Variants in MFHAS1 observed in about 807,000 individuals in gnomAD.
MFHAS1 encodes the protein multifunctional ROCO family signaling regulator 1, also known as malignant fibrous histiocytoma-amplified sequence 1.
In MFHAS1, 50 loss-of-function variants were observed where a neutral mutation model predicts 70.4. That is an observed-to-expected ratio of 0.71 (90% CI 0.57 to 0.90). MFHAS1 has a LOEUF of 0.90. Ranked by LOEUF, MFHAS1 falls within the 40% of genes least tolerant of loss-of-function variation. MFHAS1 has a pLI of 0.00. For synonymous variants in MFHAS1, 952 were observed against 620.0 expected, an observed-to-expected ratio of 1.54 and a Z score of -7.96; for missense variants, 1,795 against 1,347.6, an observed-to-expected ratio of 1.33 and a Z score of -5.20.
intron 1 of MFHAS1, among the ~76,000 whole-genome samples, chr8:8,811,168 A>G (rs919803445): frequency 6.6e-6 from 1 of 152,124 alleles, no homozygotes; most frequent in Non-Finnish European, 1.5e-5. Flanking sequence ...TCCGCAGAAT[A>G]AAATCCAGCC....
chr8:8,824,236 T>G (rs1436043678), intron 1 of MFHAS1, among the ~76,000 whole-genome samples: 1 of 151,890 alleles, frequency 6.6e-6, no homozygotes, highest in Non-Finnish European at 1.5e-5. Context: ...GCAGGATGCC[T>G]GGAGGCCAAT....
At chr8:8,790,146 G>C (rs527313074) in intron 2 of MFHAS1, among the ~76,000 whole-genome samples, 1 of 152,316 alleles carries the variant, frequency 6.6e-6, no homozygotes, top group East Asian at 1.9e-4. Flanking sequence ...GAATCAAGCA[G>C]TTCCCTTCTT....
intron 2 of MFHAS1, among the ~76,000 whole-genome samples, chr8:8,797,017 T>C (rs4841040): frequency 0.43 from 65,656 of 151,826 alleles, 15,841 homozygotes; most frequent in East Asian, 0.79. Context: ...ACAAAAAAAA[T>C]GTTCTTTTTG....
chr8:8,884,418 A>C lies in MFHAS1; in HGVS notation c.2998+5643T>G, dbSNP rs1376421695. On this transcript the variant is annotated intron_variant, in intron 1 of 2. Coordinates refer to ENST00000276282, the MANE Select transcript of MFHAS1 (RefSeq NM_004225.3). ...TTTGTAAAATTAAAAACAATGACTA[A>C]TTCAATCCAAACAACTAGGTCATGC... is the stretch of plus-strand genomic sequence containing the variant. Among the ~76,000 whole-genome samples the C allele has an allele frequency of 2.0e-5, 3 of 152,366 alleles. No homozygotes were observed. The East Asian group carries it at 5.8e-4, about 29-fold the overall frequency.
At chr8:8,862,237 ACTAGTATCTC>A (rs1262008081) in intron 1 of MFHAS1, among the ~76,000 whole-genome samples, 9 of 152,284 alleles carry the variant, frequency 5.9e-5, no homozygotes, top group Non-Finnish European at 4.4e-5. Context: ...GGGAACATGC[ACTAGTATCTC>A]CTAGTGGTTT....
At chr8:8,872,532 C>T (rs1478681459) in intron 1 of MFHAS1, among the ~76,000 whole-genome samples, 2 of 152,100 alleles carry the variant, frequency 1.3e-5, no homozygotes, top group African/African-American at 4.8e-5. Flanking sequence ...CCCTGGTAAT[C>T]AACAAGATGC....
chr8:8,828,327 T>C (rs867688633), intron 1 of MFHAS1, among the ~76,000 whole-genome samples: 2 of 152,178 alleles, frequency 1.3e-5, no homozygotes, highest in African/African-American at 4.8e-5. Context: ...TTAGGTGCGG[T>C]GAAATCAAAG....
In MFHAS1 at chr8:8,873,282, G is replaced by T. The variant is rs117024610; in HGVS notation, c.2998+16779C>A. On this transcript the variant is annotated intron_variant, in intron 1 of 2. Transcript: ENST00000276282. ...GTTCAGGGAAAATGTGACCAGCTCT[G>T]TTCGGCCATACTGTCTGCATTGACT... Among the ~76,000 whole-genome samples the T allele has an allele frequency of 2.4e-4, 37 of 152,220 alleles. No individual in the cohort carries two copies. In the South Asian group the frequency reaches 7.7e-3, roughly 32 times the overall value.
At position 8,784,356 on chromosome 8, in the gene MFHAS1, G is replaced by C. The variant is rs1319855783; in HGVS notation, c.*1666C>G. ...CAAAAGGATTCACCAGATTAATCTT[G>C]TGACTGTGTTCTAAAAGAAAATGAA... On this transcript the variant is annotated 3_prime_UTR_variant, in exon 3 of 3. Transcript: ENST00000276282. 6.6e-6 allele frequency: 1 copy of C among 152,106 alleles called. No individual in the cohort carries two copies. The highest frequency in any genetic ancestry group is 1.5e-5 in the Non-Finnish European group (1 of 68,038). The allele number at this position is 152,106 out of a possible 1,614,324, so 9.4% of individuals were successfully genotyped here. A position where few individuals can be genotyped will look rare whatever the true frequency, so the allele number is the denominator to read the frequency against.
At chr8:8,869,517 C>G (rs374946400) in intron 1 of MFHAS1, among the ~76,000 whole-genome samples, 2 of 152,094 alleles carry the variant, frequency 1.3e-5, no homozygotes, top group African/African-American at 2.4e-5. Context: ...AAATAAAGAA[C>G]CTTATTCCTC....
chr8:8,790,999 C>CA (rs1253997657), intron 2 of MFHAS1, among the ~76,000 whole-genome samples: 1 of 152,032 alleles, frequency 6.6e-6, no homozygotes, highest in African/African-American at 2.4e-5. Context: ...AGTATAGAGG[C>CA]AATAATCCAA....
intron 1 of MFHAS1, among the ~76,000 whole-genome samples, chr8:8,856,980 G>GAAAAAA (rs59496543): frequency 2.6e-4 from 14 of 53,388 alleles, no homozygotes; most frequent in African/African-American, 5.2e-4. Flanking sequence ...TCAGGAAAGT[G>GAAAAAA]AAAAAAAAAA....
At chr8:8,884,217 C>G (rs988346890) in intron 1 of MFHAS1, among the ~76,000 whole-genome samples, 1 of 152,108 alleles carries the variant, frequency 6.6e-6, no homozygotes, top group Non-Finnish European at 1.5e-5. Context: ...ACTCCAAAGG[C>G]CTTTCTAGCC....
At chr8:8,848,268 T>G (rs1013740958) in intron 1 of MFHAS1, among the ~76,000 whole-genome samples, 1 of 152,136 alleles carries the variant, frequency 6.6e-6, no homozygotes, top group Non-Finnish European at 1.5e-5. Context: ...TTTATCATAA[T>G]AGCCTCCTCC....
intron 1 of MFHAS1, among the ~76,000 whole-genome samples, chr8:8,833,230 C>T (rs943908781): frequency 1.3e-5 from 2 of 152,194 alleles, no homozygotes; most frequent in Non-Finnish European, 2.9e-5. Flanking sequence ...CCACCTTCAG[C>T]ACTGGGGATT....
intron 1 of MFHAS1, among the ~76,000 whole-genome samples, chr8:8,850,519 G>C (rs1808202960): frequency 6.6e-6 from 1 of 152,138 alleles, no homozygotes; most frequent in African/African-American, 2.4e-5. Flanking sequence ...AATGTCCAAA[G>C]CCACAGAGTT....
intron 1 of MFHAS1, among the ~76,000 whole-genome samples, chr8:8,798,118 T>C (rs1346698665): frequency 6.6e-6 from 1 of 152,168 alleles, no homozygotes; most frequent in East Asian, 1.9e-4. Context: ...ACCACAATAC[T>C]TAAAGGAACG....
In MFHAS1 at chr8:8,892,036, C is replaced by T. The variant is rs746949389; in HGVS notation, c.1023G>A (p.Leu341=). 8 of 1,613,462 alleles carry T rather than the reference C, an allele frequency of 5.0e-6. No individual in the cohort carries two copies. Among genetic ancestry groups the T allele is most frequent in the Non-Finnish European group, 6.8e-6 (8 of 1,180,010 alleles). Residue 341 remains leucine (L), a synonymous_variant, in exon 1 of 3, where the codon CTG becomes CTA. Transcript: ENST00000276282. This position sits in a 1 kb window ranked among gnomAD's most constrained non-coding sequence, Gnocchi z 4.7. The part of the protein sequence containing the change: ...IRYLPDSIVE[L]TGLEELVLQG... ...GCAGCACGAGCTCCTCCAGGCCGGTCAGCTCCACGATGGAGTCCGGCAGGT... is the reference window on the plus strand; with the variant it reads ...GCAGCACGAGCTCCTCCAGGCCGGTTAGCTCCACGATGGAGTCCGGCAGGT...
intron 1 of MFHAS1, among the ~76,000 whole-genome samples, chr8:8,888,548 T>G (rs559771363): frequency 2.0e-5 from 3 of 151,574 alleles, no homozygotes; most frequent in African/African-American, 7.3e-5. Flanking sequence ...ACAAAAACAG[T>G]TGTTTAAAGA....
Sources: allele counts gnomAD v4.1 joint callset (sites outside exome capture counted in the v4.1 genomes callset), GRCh38; gene constraint gnomAD v4.1.1; non-coding constraint Gnocchi (gnomAD v3.1); transcripts MANE v1.5; gene names NCBI Gene and HGNC (gene_info 2026-07-23, HGNC 2026-07-21).